The following KCTD2 variants were observed in gnomAD, a reference collection of about 807,000 sequenced individuals.
KCTD2 encodes the protein BTB/POZ domain-containing protein KCTD2.
In KCTD2, 18 loss-of-function variants were observed where a neutral mutation model predicts 27.9. That is an observed-to-expected ratio of 0.64 (90% CI 0.45 to 0.96). KCTD2 has a LOEUF of 0.96. Among genes scored for constraint, KCTD2 ranks in the 40% least tolerant of loss-of-function variants. The pLI, the probability that KCTD2 is intolerant of heterozygous loss-of-function variation, is 0.00. For synonymous variants in KCTD2, 175 were observed against 148.4 expected, an observed-to-expected ratio of 1.18 and a Z score of -1.30; for missense variants, 280 against 348.0, an observed-to-expected ratio of 0.80 and a Z score of 1.56.
chr17:75,034,961 C>T (rs1233979499), intron 2 of KCTD2, among the ~76,000 whole-genome samples: 1 of 152,114 alleles, frequency 6.6e-6, no homozygotes, highest in Non-Finnish European at 1.5e-5. Flanking sequence ...AGGTGCCGCT[C>T]CGCTCGGGGG....
upstream of KCTD2, chr17:75,042,491 G>C: frequency 6.3e-7 from 1 of 1,596,016 alleles, no homozygotes; most frequent in Non-Finnish European, 8.5e-7. Context: ...TCTAGATTCA[G>C]TGGCAAGTAT....
intron 3 of KCTD2, among the ~76,000 whole-genome samples, chr17:75,053,920 C>T (rs1362803902): frequency 2.1e-5 from 3 of 142,436 alleles, no homozygotes; most frequent in Non-Finnish European, 4.5e-5. Context: ...AGGCTGGCCT[C>T]CCAAAGTGCT....
intron 2 of KCTD2, among the ~76,000 whole-genome samples, chr17:75,051,277 CTTTTTTT>C (rs35794705): frequency 4.6e-5 from 3 of 64,584 alleles, no homozygotes; most frequent in Admixed American, 4.2e-4. Flanking sequence ...CGCGCCCGAC[CTTTTTTT>C]TTTTTTTTTT....
chr17:75,052,872 C>T (rs1002669401), intron 2 of KCTD2, 142 bp from the exon 3 acceptor site: 7 of 653,000 alleles, frequency 1.1e-5, no homozygotes, highest in South Asian at 3.5e-5. Context: ...CCAGCCTGGG[C>T]GACAGAGTAA....
upstream of KCTD2, chr17:75,042,619 A>G: frequency 1.9e-6 from 3 of 1,612,310 alleles, no homozygotes; most frequent in Non-Finnish European, 2.5e-6. Flanking sequence ...TACCCAGTCA[A>G]TGGTTTTTAG....
At chr17:75,042,593 T>C (rs558986152), upstream of KCTD2, 78 of 1,613,240 alleles carry the variant, frequency 4.8e-5, no homozygotes, top group East Asian at 6.9e-4. Flanking sequence ...TTCTGGGGTA[T>C]GATCTCTGCA....
intron 3 of KCTD2, chr17:75,039,103 G>C (rs768947436): frequency 4.3e-6 from 7 of 1,612,440 alleles, no homozygotes; most frequent in Non-Finnish European, 5.9e-6. Flanking sequence ...TGTAAACAGA[G>C]ACGGAAAGCA....
chr17:75,046,510 C>CGCTCT (rs1427111847), upstream of KCTD2, among the ~76,000 whole-genome samples: 3 of 152,222 alleles, frequency 2.0e-5, no homozygotes, highest in African/African-American at 7.2e-5. Flanking sequence ...GAGCCCTGAA[C>CGCTCT]GCTCTATACG....
chr17:75,034,208 A>T (rs1363450993), intron 2 of KCTD2: 1 of 152,092 alleles, frequency 6.6e-6, no homozygotes. Flanking sequence ...CGTAAGAATA[A>T]AGTTGCCCAA....
At chr17:75,048,107 C>T (rs997982249) in intron 1 of KCTD2, among the ~76,000 whole-genome samples, 5 of 152,272 alleles carry the variant, frequency 3.3e-5, no homozygotes, top group Non-Finnish European at 7.3e-5. Flanking sequence ...TAGTCCTGGT[C>T]GCAGAACTTT....
Position 75,053,045 on chromosome 17 carries a change from C to T in KCTD2, c.480C>T (p.Ile160=), listed in dbSNP as rs143156940. Residue 160 remains isoleucine, a synonymous_variant, in exon 3 of 6, where the codon ATC becomes ATT. Transcript: ENST00000322444. ...TGGAGGAAGCGGAGTTTTACAACAT[C>T]GCGTCCCTTGTGCGGCTGGTTAAGG... ...GVLEEAEFYN[I]ASLVRLVKER... 8.9e-5 allele frequency: 144 copies of T among 1,614,012 alleles called. 1 individual carries two copies. The highest frequency in any genetic ancestry group is 2.7e-4 in the African/African-American group (20 of 74,918).
In KCTD2 at chr17:75,063,078, G is replaced by A; in HGVS notation, c.*31G>A. ...GACCCCGAAAACTCCAGACCTTCAG[G>A]AGAGCAGTCAGCAGAGCCCCTCTGT... On this transcript the variant is annotated 3_prime_UTR_variant, in exon 6 of 6. Coordinates refer to ENST00000322444, the MANE Select transcript of KCTD2 (RefSeq NM_015353.3). The A allele has an allele frequency of 6.2e-7, 1 of 1,609,140 alleles. No homozygotes were observed. Among genetic ancestry groups the A allele is most frequent in the Non-Finnish European group, 8.5e-7 (1 of 1,175,924 alleles).
chr17:75,047,977 T>G (rs890282503), intron 1 of KCTD2, among the ~76,000 whole-genome samples: 4 of 152,164 alleles, frequency 2.6e-5, no homozygotes, highest in Non-Finnish European at 4.4e-5. Flanking sequence ...CATCCAGAAC[T>G]GGGTCAGGGT....
At chr17:75,039,492 C>G (rs763872558) in intron 3 of KCTD2, 39 of 529,870 alleles carry the variant, frequency 7.4e-5, no homozygotes, top group Non-Finnish European at 1.1e-4. Context: ...TGGCAGCACC[C>G]GGCTGCTTCT....
At chr17:75,037,022 G>A (rs2073109139) in intron 3 of KCTD2, among the ~76,000 whole-genome samples, 1 of 152,114 alleles carries the variant, frequency 6.6e-6, no homozygotes, top group African/African-American at 2.4e-5. Flanking sequence ...GGGTTGTCAG[G>A]CATTGTTGCT....
rs184443431 is a variant in KCTD2, at chr17:75,039,982, T to C, written c.-259+4625T>C. ...TGCATTTATTGACAAGTCATTCCTTTATATGGCTGTTAACTCTTCCATTTA... is the reference window on the plus strand; with the variant it reads ...TGCATTTATTGACAAGTCATTCCTTCATATGGCTGTTAACTCTTCCATTTA... On this transcript the variant is annotated intron_variant, in intron 3 of 7. Coordinates refer to the KCTD2 transcript ENST00000581589. 284 of 1,140,412 alleles carry C rather than the reference T, an allele frequency of 2.5e-4. 1 individual carries two copies. In the African/African-American group the frequency reaches 4.0e-3, roughly 16 times the overall value. The allele number at this position is 1,140,412 out of a possible 1,614,324, so 70.6% of individuals were successfully genotyped here.
intron 2 of KCTD2, among the ~76,000 whole-genome samples, chr17:75,051,711 C>T (rs763000682): frequency 4.6e-5 from 7 of 151,942 alleles, no homozygotes; most frequent in Non-Finnish European, 1.0e-4. Flanking sequence ...GATTTCACCC[C>T]TTAATATTTG....
chr17:75,038,758 G>A, intron 3 of KCTD2: 1 of 710,604 alleles, frequency 1.4e-6, no homozygotes, highest in East Asian at 2.9e-5. Context: ...CAACAAACCT[G>A]TCGAGGCTCA....
chr17:75,058,666 G>A (rs905314730), intron 3 of KCTD2, among the ~76,000 whole-genome samples: 1 of 152,032 alleles, frequency 6.6e-6, no homozygotes, highest in Non-Finnish European at 1.5e-5. Flanking sequence ...AGGCTTAGCG[G>A]CAGGCGCCTG....
Sources: allele counts gnomAD v4.1 joint callset (sites outside exome capture counted in the v4.1 genomes callset), GRCh38; gene constraint gnomAD v4.1.1; transcripts MANE v1.5; gene names NCBI Gene and HGNC (gene_info 2026-07-23, HGNC 2026-07-21).